ZEB2: variants seen among roughly 807,000 people sequenced by gnomAD.
ZEB2 encodes the protein zinc finger E-box-binding homeobox 2.
A neutral mutation model predicts 99.9 loss-of-function variants in ZEB2; 6 were observed. The ratio of observed to expected loss-of-function variants is 0.06; its 90% confidence interval spans 0.03 to 0.12. ZEB2 has a LOEUF of 0.12. Among genes scored for constraint, ZEB2 ranks in the 10% least tolerant of loss-of-function variants. ZEB2 has a pLI of 1.00. For synonymous variants in ZEB2, 517 were observed against 542.5 expected (o/e 0.95, Z 0.65); for missense variants, 969 against 1,502.8 (o/e 0.64, Z 5.87).
chr2:144,405,603 A>T (rs966352225), intron 4 of ZEB2, among the ~76,000 whole-genome samples: 8 of 151,408 alleles, frequency 5.3e-5, no homozygotes, highest in African/African-American at 1.7e-4. Context: ...TAATAATGCA[A>T]CTTTGTTAAA....
rs922414997 is a variant in ZEB2, at chr2:144,385,558, T to C, written c.*3893A>G. On this transcript the variant is annotated 3_prime_UTR_variant, in exon 10 of 10. Transcript: ENST00000627532. Reference sequence around the variant, plus strand: ...AATCCGCTGAGTGTGTTTGTTTGAATGTTTTTACATGTACATGGGATCACA... The same window carrying C: ...AATCCGCTGAGTGTGTTTGTTTGAACGTTTTTACATGTACATGGGATCACA... 1 of 152,194 alleles carries C rather than the reference T, an allele frequency of 6.6e-6. No individual in the cohort carries two copies. The highest frequency in any genetic ancestry group is 1.5e-5 in the Non-Finnish European group (1 of 68,022). 9.4% of individuals were successfully genotyped at this position (152,194 alleles called of 1,614,324 possible).
At chr2:144,485,671 G>C (rs1573791804) in intron 2 of ZEB2, among the ~76,000 whole-genome samples, 2 of 152,176 alleles carry the variant, frequency 1.3e-5, no homozygotes, top group South Asian at 4.2e-4. Flanking sequence ...CTGAGCTGGG[G>C]TGCAACGGCA....
At chr2:144,438,747 G>C (rs984415815) in intron 2 of ZEB2, among the ~76,000 whole-genome samples, 1 of 152,040 alleles carries the variant, frequency 6.6e-6, no homozygotes, top group Admixed American at 6.6e-5. Flanking sequence ...CTACCCAAAG[G>C]ATTTCTCTTA....
chr2:144,487,762 A>C (rs1205639000), intron 2 of ZEB2, among the ~76,000 whole-genome samples: 2 of 152,218 alleles, frequency 1.3e-5, no homozygotes, highest in Admixed American at 1.3e-4. Flanking sequence ...AAAGAATTCA[A>C]GCTACCAAAT....
At chr2:144,492,895 A>T (rs751210880) in intron 2 of ZEB2, among the ~76,000 whole-genome samples, 1 of 152,246 alleles carries the variant, frequency 6.6e-6, no homozygotes, top group African/African-American at 2.4e-5. Flanking sequence ...TGCTTTAACG[A>T]AACAATTTTT....
intron 2 of ZEB2, among the ~76,000 whole-genome samples, chr2:144,508,108 T>G (rs1704975513): frequency 6.6e-6 from 1 of 152,154 alleles, no homozygotes; most frequent in African/African-American, 2.4e-5. Context: ...AACATAAAAC[T>G]TAATTATTGG....
chr2:144,479,682 T>TGGC (rs140945730), intron 2 of ZEB2, among the ~76,000 whole-genome samples: 1 of 29,852 alleles, frequency 3.3e-5, no homozygotes, highest in Non-Finnish European at 8.0e-5. Flanking sequence ...CTACTTTTTT[T>TGGC]TGGGGGGGGG....
intron 2 of ZEB2, chr2:144,503,602 C>T (rs549078038): frequency 2.0e-5 from 3 of 151,564 alleles, no homozygotes; most frequent in Middle Eastern, 3.4e-3. Flanking sequence ...TTAGAAGAGA[C>T]GGGGAAGGAT....
rs765873248 is a variant in ZEB2, at chr2:144,400,165, T to C, written c.1022A>G (p.Asn341Ser). The part of the protein sequence containing the change: ...SKKCIGLISV[N>S]GRMRNNIKTG... ...CTTGATATTGTTTCTCATTCGGCCA[T>C]TTACAGAGATTAAACCAATACATTT... The change falls in exon 8 of 10, where the codon AAT (asparagine) becomes AGT (serine). Residue 341 changes from asparagine (N) to serine (S), a missense_variant. Asn to Ser is a conservative substitution (Grantham distance 46, BLOSUM62 1). This residue lies in a region of ZEB2 where 9 missense variants were observed against 77.3 expected (regional missense o/e 0.12). Coordinates refer to ENST00000627532, the MANE Select transcript of ZEB2 (RefSeq NM_014795.4). 1 of 1,614,040 alleles carries C rather than the reference T, an allele frequency of 6.2e-7. No individual in the cohort carries two copies. Among genetic ancestry groups the C allele is most frequent in the Non-Finnish European group, 8.5e-7 (1 of 1,179,924 alleles).
chr2:144,473,714 T>G (rs924123995), intron 2 of ZEB2, among the ~76,000 whole-genome samples: 1 of 151,948 alleles, frequency 6.6e-6, no homozygotes, highest in African/African-American at 2.4e-5. Flanking sequence ...GTTACAGAGG[T>G]GCAGGGAAAT....
chr2:144,418,844 GA>G (rs1274395065), intron 4 of ZEB2, among the ~76,000 whole-genome samples: 1 of 151,546 alleles, frequency 6.6e-6, no homozygotes, highest in East Asian at 1.9e-4. Flanking sequence ...GGTGATGAGG[GA>G]AAAAAAACTA....
intron 1 of ZEB2, 137 bp from the exon 2 acceptor site, chr2:144,517,556 C>T: frequency 2.1e-6 from 1 of 483,130 alleles, no homozygotes; most frequent in South Asian, 1.7e-5. Flanking sequence ...ACTTCGGCGG[C>T]CCCCTCCCCG....
At chr2:144,485,957 G>T (rs1234058311) in intron 2 of ZEB2, among the ~76,000 whole-genome samples, 1 of 152,164 alleles carries the variant, frequency 6.6e-6, no homozygotes, top group Non-Finnish European at 1.5e-5. Context: ...AAAGTAAAAA[G>T]GAATCGGTGA....
chr2:144,450,769 G>A (rs12105521), intron 2 of ZEB2, among the ~76,000 whole-genome samples: 10,321 of 152,144 alleles, frequency 0.068, 403 homozygotes, highest in Middle Eastern at 0.12. Flanking sequence ...TCCGCCTCCC[G>A]GGTTCAAGCA....
chr2:144,461,922 C>G (rs1042593123), intron 2 of ZEB2: 1 of 152,156 alleles, frequency 6.6e-6, no homozygotes, highest in African/African-American at 2.4e-5. Context: ...CACCAGGTTA[C>G]AGAAATAACT....
intron 2 of ZEB2, among the ~76,000 whole-genome samples, chr2:144,501,909 A>T (rs1446375228): frequency 1.3e-5 from 2 of 152,210 alleles, no homozygotes; most frequent in East Asian, 3.8e-4. Context: ...TGTCTTTCTC[A>T]TGCCTGATGT....
In ZEB2 at chr2:144,387,727, G is replaced by A. The variant is rs1023411835; in HGVS notation, c.*1724C>T. 7.2e-5 allele frequency: 11 copies of A among 152,016 alleles called. No homozygotes were observed. Among genetic ancestry groups the A allele is most frequent in the Admixed American group, 3.3e-4 (5 of 15,288 alleles). 9.4% of individuals were successfully genotyped at this position (152,016 alleles called of 1,614,324 possible). Reference sequence around the variant, plus strand: ...TTTAACACATAATCTCTAAATACTCGTAATGCAAAAGTAGAAATGTCTGTA... The same window carrying A: ...TTTAACACATAATCTCTAAATACTCATAATGCAAAAGTAGAAATGTCTGTA... On this transcript the variant is annotated 3_prime_UTR_variant, in exon 10 of 10. Transcript: ENST00000627532.
At chr2:144,470,436 A>G (rs1019374733) in intron 2 of ZEB2, 2 of 152,164 alleles carry the variant, frequency 1.3e-5, no homozygotes, top group African/African-American at 2.4e-5. Context: ...ACAATATTTC[A>G]GTAGATTTCC....
At chr2:144,420,345 T>TC (rs1363585182) in intron 4 of ZEB2, among the ~76,000 whole-genome samples, 1 of 152,164 alleles carries the variant, frequency 6.6e-6, no homozygotes, top group African/African-American at 2.4e-5. Flanking sequence ...TCCTCCAGCC[T>TC]CGACCTCCTG....
Sources: gnomAD v4.1 joint callset for allele counts (sites outside exome capture counted in the v4.1 genomes callset) on GRCh38, gnomAD v4.1.1 for gene constraint, gnomAD v4.1.1 regional missense constraint, MANE v1.5 for transcripts, NCBI Gene and HGNC (gene_info 2026-07-23, HGNC 2026-07-21) for gene names.